Variants in PRKCA observed in about 807,000 individuals in gnomAD.
The protein encoded by PRKCA is protein kinase C alpha.
PRKCA carries 27 observed loss-of-function variants against 87.0 expected under a neutral mutation model. That is an observed-to-expected ratio of 0.31 (90% CI 0.23 to 0.43). The LOEUF (loss-of-function observed/expected upper bound fraction) is 0.43, where lower values mean the gene tolerates loss of function less well. Ranked by LOEUF, PRKCA falls within the 20% of genes least tolerant of loss-of-function variation. The pLI is 1.00. For missense variants in PRKCA, 518 were observed against 852.3 expected (o/e 0.61, Z 4.88); for synonymous variants, 329 against 311.1 (o/e 1.06, Z -0.61).
chr17:66,302,906 C>T lies in PRKCA; in HGVS notation c.55C>T (p.Arg19Cys). 1 of 1,612,516 alleles carries T rather than the reference C, an allele frequency of 6.2e-7. No homozygotes were observed. Among genetic ancestry groups the T allele is most frequent in the South Asian group, 1.1e-5 (1 of 90,850 alleles). ...CACGGCGTCTCAGGACGTGGCCAAC[C>T]GCTTCGCCCGCAAAGGGGCGCTGAG... is the stretch of plus-strand genomic sequence containing the variant. The part of the protein sequence containing the change: ...DSTASQDVAN[R>C]FARKGALRQK... The change falls in exon 1 of 17, where the codon CGC becomes TGC. Residue 19 changes from arginine to cysteine, a missense_variant. By Grantham distance (180) the Arg-to-Cys change is radical. Around this residue, in one of 5 missense-constraint regions of PRKCA, gnomAD observed 33 missense variants for 34.1 expected, o/e 0.97. Transcript: ENST00000413366.
At chr17:66,512,526 A>G (rs1371235259) in intron 3 of PRKCA, among the ~76,000 whole-genome samples, 1 of 150,958 alleles carries the variant, frequency 6.6e-6, no homozygotes, top group Non-Finnish European at 1.5e-5. Context: ...AAGGCCCATC[A>G]TGATTGTGAT....
At chr17:66,511,855 AT>A (rs1174374132) in intron 3 of PRKCA, among the ~76,000 whole-genome samples, 2 of 151,708 alleles carry the variant, frequency 1.3e-5, no homozygotes, top group African/African-American at 2.4e-5. Context: ...TTATTTTTGT[AT>A]TTTTAGTGGA....
chr17:66,792,709 G>A lies in PRKCA; in HGVS notation c.1854+3730G>A, dbSNP rs16960228. ...GGCTGGATTCTGTATAAGGTCACAC[G>A]TAAAGGAGAACAGAAAGAGGAGAGT... On this transcript the variant is annotated intron_variant, in intron 16 of 16. Transcript: ENST00000413366. The surrounding 1 kb of genome is among the most constrained non-coding windows in gnomAD (Gnocchi z 4.5). Among the ~76,000 whole-genome samples, 19,555 of 152,288 alleles carry A rather than the reference G, an allele frequency of 0.13. 2,327 individuals are homozygous for A. Among genetic ancestry groups the A allele is most frequent in the African/African-American group, 0.31 (12,862 of 41,530 alleles).
In PRKCA at chr17:66,412,001, CTTTT is replaced by C. The variant is rs34558353; in HGVS notation, c.206-84187_206-84184del. On this transcript the variant is annotated intron_variant, in intron 2 of 16. Coordinates refer to ENST00000413366, the MANE Select transcript of PRKCA (RefSeq NM_002737.3). The stretch of plus-strand genomic sequence containing the variant: ...ATCATTATTTTTCAGGAAAAAAAAT[CTTTT>C]TTTTTTTTTTTTGAGTAATGAATGG... 3.7e-4 allele frequency among the ~76,000 whole-genome samples: 50 copies of C among 136,044 alleles called. 1 individual carries two copies. The East Asian group carries it at 8.7e-3, about 24-fold the overall frequency. 89.3% of individuals were successfully genotyped at this position (136,044 alleles called of 152,430 possible). A position where few individuals can be genotyped will look rare whatever the true frequency, so the allele number is the denominator to read the frequency against.
intron 16 of PRKCA, among the ~76,000 whole-genome samples, chr17:66,802,504 G>A (rs746157465): frequency 7.3e-5 from 11 of 150,742 alleles, no homozygotes; most frequent in South Asian, 6.4e-4. Flanking sequence ...TAGTCTGGGC[G>A]ACAGAGCAAG....
At position 66,742,879 on chromosome 17, in the gene PRKCA, T is replaced by A. The variant is rs1974187416; in HGVS notation, c.1524+119T>A. On this transcript the variant is annotated intron_variant, in intron 13 of 16. Coordinates refer to ENST00000413366, the MANE Select transcript of PRKCA (RefSeq NM_002737.3). Reference sequence around the variant, plus strand: ...TCAGTGCATGGTCACAGCCACTAAATGGACTAAACTGGACAAAACAGACTA... The same window carrying A: ...TCAGTGCATGGTCACAGCCACTAAAAGGACTAAACTGGACAAAACAGACTA... The A allele has an allele frequency of 3.8e-6, 4 of 1,064,788 alleles. No homozygotes were observed. In the African/African-American group the frequency reaches 4.8e-5, roughly 13 times the overall value. The allele number at this position is 1,064,788 out of a possible 1,614,324, so 66.0% of individuals were successfully genotyped here.
At chr17:66,572,219 C>G (rs1969099875) in intron 3 of PRKCA, among the ~76,000 whole-genome samples, 1 of 152,198 alleles carries the variant, frequency 6.6e-6, no homozygotes, top group African/African-American at 2.4e-5. Context: ...GTAATCCCAG[C>G]ACTTTGGGAG....
chr17:66,624,435 A>G (rs1970784878), intron 3 of PRKCA, among the ~76,000 whole-genome samples: 1 of 152,234 alleles, frequency 6.6e-6, no homozygotes, highest in African/African-American at 2.4e-5. Context: ...ATCAGGTGCC[A>G]CTGGGCAGAG....
intron 8 of PRKCA, among the ~76,000 whole-genome samples, chr17:66,690,383 G>A (rs1248301340): frequency 1.3e-5 from 2 of 152,176 alleles, no homozygotes; most frequent in Non-Finnish European, 2.9e-5. Context: ...CTGTCTGCAG[G>A]TGGCAGCTAC....
At chr17:66,699,398 T>G (rs1466239956) in intron 8 of PRKCA, among the ~76,000 whole-genome samples, 1 of 152,186 alleles carries the variant, frequency 6.6e-6, no homozygotes, top group Non-Finnish European at 1.5e-5. Flanking sequence ...TACTCTGAAC[T>G]GTTACACACC....
At chr17:66,700,339 C>T (rs1472327805) in intron 8 of PRKCA, among the ~76,000 whole-genome samples, 1 of 152,210 alleles carries the variant, frequency 6.6e-6, no homozygotes, top group African/African-American at 2.4e-5. Context: ...AAGCCCACAG[C>T]TAACATCCTG....
rs1228378127 is a variant in PRKCA at position 66,709,353 on chromosome 17, C to T, written c.918+20306C>T. Among the ~76,000 whole-genome samples the T allele has an allele frequency of 3.2e-5, 4 of 123,908 alleles. No individual in the cohort carries two copies. The Admixed American group carries it at 3.8e-4, about 12-fold the overall frequency. The allele number at this position is 123,908 out of a possible 152,430, so 81.3% of individuals were successfully genotyped here. On this transcript the variant is annotated intron_variant, in intron 8 of 16. Transcript: ENST00000413366. ...TGAGATAGAGTGTTGCTTTTGTTGCCTAGGCTGGAATGCAGTAACACAGTC... is the reference window on the plus strand; with the variant it reads ...TGAGATAGAGTGTTGCTTTTGTTGCTTAGGCTGGAATGCAGTAACACAGTC...
chr17:66,692,512 A>C (rs1295670928), intron 8 of PRKCA, among the ~76,000 whole-genome samples: 1 of 152,186 alleles, frequency 6.6e-6, no homozygotes, highest in East Asian at 1.9e-4. Context: ...GTTACTGGGA[A>C]GGGATGCACC....
intron 5 of PRKCA, among the ~76,000 whole-genome samples, chr17:66,684,638 T>G (rs910504061): frequency 1.3e-5 from 2 of 152,244 alleles, no homozygotes; most frequent in African/African-American, 2.4e-5. Flanking sequence ...AGATTTTAAC[T>G]CATCACCATT....
chr17:66,358,214 G>A (rs973906210), intron 2 of PRKCA, among the ~76,000 whole-genome samples: 2 of 151,878 alleles, frequency 1.3e-5, no homozygotes, highest in African/African-American at 4.8e-5. Context: ...TTGACGCACT[G>A]AGGTTTTCCC....
chr17:66,727,450 G>A (rs1412935109), intron 8 of PRKCA, among the ~76,000 whole-genome samples: 1 of 152,122 alleles, frequency 6.6e-6, no homozygotes, highest in Non-Finnish European at 1.5e-5. Flanking sequence ...GTAGAGGATT[G>A]AGGATGTTAA....
rs139797452 is a variant in PRKCA at position 66,798,307 on chromosome 17, T to C, written c.1855-5566T>C. 1.4e-3 allele frequency among the ~76,000 whole-genome samples: 204 copies of C among 150,928 alleles called. 1 individual carries two copies. Among genetic ancestry groups the C allele is most frequent in the African/African-American group, 4.8e-3 (198 of 41,068 alleles). ...CTTCCACATTAGGAATGCAGTACCT[T>C]CTTGAATCTACTGCTTTTCCTTTCT... On this transcript the variant is annotated intron_variant, in intron 16 of 16. Transcript: ENST00000413366.
chr17:66,392,364 C>T (rs1209406607), intron 2 of PRKCA, among the ~76,000 whole-genome samples: 1 of 152,038 alleles, frequency 6.6e-6, no homozygotes, highest in Non-Finnish European at 1.5e-5. Context: ...TATGCTGTGC[C>T]ATTTGCATAG....
rs548553150 is a variant in PRKCA at position 66,609,394 on chromosome 17, A to G, written c.289-31961A>G. On this transcript the variant is annotated intron_variant, in intron 3 of 16. Transcript: ENST00000413366. ...GTGCTGAAAAGTGTAATGCGTGTCT[A>G]TATGAAGCAGTGTCTATTGAGCAAA... is the stretch of plus-strand genomic sequence containing the variant. Among the ~76,000 whole-genome samples, 23 of 152,316 alleles carry G rather than the reference A, an allele frequency of 1.5e-4. No homozygotes were observed. In the South Asian group the frequency reaches 3.5e-3, roughly 23 times the overall value.
Sources: gnomAD v4.1 joint callset for allele counts (sites outside exome capture counted in the v4.1 genomes callset) on GRCh38, gnomAD v4.1.1 for gene constraint, gnomAD v4.1.1 regional missense constraint, Gnocchi (gnomAD v3.1) non-coding constraint, MANE v1.5 for transcripts, NCBI Gene and HGNC (gene_info 2026-07-23, HGNC 2026-07-21) for gene names.